Variants in DIPK2B observed in about 807,000 individuals in gnomAD.
DIPK2B encodes divergent protein kinase domain 2B.
DIPK2B carries 15 observed loss-of-function variants against 22.2 expected under a neutral mutation model. That is an observed-to-expected ratio of 0.68 (90% CI 0.45 to 1.04). DIPK2B has a LOEUF of 1.04. Among genes scored for constraint, DIPK2B ranks in the 50% least tolerant of loss-of-function variants. The pLI, the probability that DIPK2B is intolerant of heterozygous loss-of-function variation, is 0.00. For synonymous variants in DIPK2B, 163 were observed against 153.2 expected, an observed-to-expected ratio of 1.06 and a Z score of -0.47; for missense variants, 345 against 348.3, an observed-to-expected ratio of 0.99 and a Z score of 0.08.
At chrX:45,188,007 C>T (rs1383932365) in intron 2 of DIPK2B, among the ~76,000 whole-genome samples, 2 of 111,614 alleles carry the variant, frequency 1.8e-5, no homozygotes, top group Non-Finnish European at 3.8e-5. Flanking sequence ...TCCCAGGATA[C>T]TGGCCTGACA....
chrX:45,162,100 T>C (rs7057613), intron 2 of DIPK2B, among the ~76,000 whole-genome samples: 33,007 of 109,942 alleles, frequency 0.3, 4,429 homozygotes, highest in African/African-American at 0.5. Flanking sequence ...GAGAGCCATA[T>C]GTGGAGAAAA....
intron 3 of DIPK2B, among the ~76,000 whole-genome samples, chrX:45,156,952 C>T (rs1028976388): frequency 6.5e-5 from 7 of 107,980 alleles, no homozygotes; most frequent in African/African-American, 2.4e-4. Flanking sequence ...CTTCCTCTTC[C>T]TTTTCTTAGT....
intron 1 of DIPK2B, among the ~76,000 whole-genome samples, chrX:45,192,816 T>C (rs1157115762): frequency 1.8e-5 from 2 of 111,894 alleles, no homozygotes; most frequent in Non-Finnish European, 3.8e-5. Context: ...ACTCACTCTG[T>C]TGCCCAGGCT....
At chrX:45,190,107 T>C (rs1404251564) in intron 2 of DIPK2B, among the ~76,000 whole-genome samples, 1 of 112,435 alleles carries the variant, frequency 8.9e-6, no homozygotes, top group African/African-American at 3.2e-5. Flanking sequence ...TGTGCATTTC[T>C]ATAGTGATGG....
chrX:45,162,723 A>G (rs2047028423), intron 2 of DIPK2B: 1 of 754,465 alleles, frequency 1.3e-6, no homozygotes, highest in Non-Finnish European at 1.6e-6. Flanking sequence ...AAAAATAAAA[A>G]GATAACCAAA....
At chrX:45,189,051 T>C (rs1482345209) in intron 2 of DIPK2B, among the ~76,000 whole-genome samples, 1 of 112,076 alleles carries the variant, frequency 8.9e-6, no homozygotes, top group East Asian at 2.8e-4. Context: ...GCTATGAGCA[T>C]TCATATACAA....
intron 2 of DIPK2B, among the ~76,000 whole-genome samples, chrX:45,187,217 C>T (rs1234036624): frequency 1.8e-5 from 2 of 111,582 alleles, no homozygotes; most frequent in Non-Finnish European, 3.8e-5. Flanking sequence ...ATGTGTTTTC[C>T]CCTGATTAGC....
At chrX:45,179,701 T>C (rs760274569) in intron 2 of DIPK2B, among the ~76,000 whole-genome samples, 1 of 110,153 alleles carries the variant, frequency 9.1e-6, no homozygotes, top group Non-Finnish European at 1.9e-5. Context: ...CAAAACAAAA[T>C]AAATCTAACA....
chrX:45,193,720 T>G (rs2148351138), intron 1 of DIPK2B, among the ~76,000 whole-genome samples: 1 of 112,513 alleles, frequency 8.9e-6, no homozygotes, highest in African/African-American at 3.2e-5. Context: ...ACAAGAACAC[T>G]GGCATCAATG....
At chrX:45,180,380 G>C (rs1460978736) in intron 2 of DIPK2B, among the ~76,000 whole-genome samples, 1 of 111,826 alleles carries the variant, frequency 8.9e-6, no homozygotes, top group African/African-American at 3.2e-5. Context: ...TAGGTCACCA[G>C]TGGATTCTTT....
intron 1 of DIPK2B, among the ~76,000 whole-genome samples, chrX:45,194,275 A>G (rs1414282215): frequency 1.9e-5 from 2 of 106,988 alleles, no homozygotes; most frequent in African/African-American, 6.8e-5. Flanking sequence ...TTTGAGAGAG[A>G]GTCTTGCTCT....
chrX:45,183,771 A>G (rs1301046181), intron 2 of DIPK2B, among the ~76,000 whole-genome samples: 5 of 112,161 alleles, frequency 4.5e-5, no homozygotes, highest in African/African-American at 1.6e-4. Flanking sequence ...TGGGCTGCAT[A>G]GAAAAATTAA....
In DIPK2B at chrX:45,149,372, A is replaced by T. The variant is rs1044294897; in HGVS notation, c.*2280T>A. 8.9e-6 allele frequency: 1 copy of T among 112,359 alleles called. No homozygotes were observed. The highest frequency in any genetic ancestry group is 3.2e-5 in the African/African-American group (1 of 30,833). 9.3% of individuals were successfully genotyped at this position (112,359 alleles called of 1,213,427 possible). A position where few individuals can be genotyped will look rare whatever the true frequency, so the allele number is the denominator to read the frequency against. On this transcript the variant is annotated 3_prime_UTR_variant, in exon 5 of 5. Transcript: ENST00000398000. The stretch of plus-strand genomic sequence containing the variant: ...GACTGTGCAGGTGAGAAGGGTGGTC[A>T]GTCTTCACCCTCAAGACCAACTCAG...
At chrX:45,179,781 T>C (rs912111925) in intron 2 of DIPK2B, among the ~76,000 whole-genome samples, 2 of 111,126 alleles carry the variant, frequency 1.8e-5, no homozygotes, top group African/African-American at 3.3e-5. Flanking sequence ...TCAAGGTTGG[T>C]TTAATATTTG....
chrX:45,166,909 A>G (rs2047051895), intron 2 of DIPK2B, among the ~76,000 whole-genome samples: 2 of 112,132 alleles, frequency 1.8e-5, no homozygotes, highest in Admixed American at 1.9e-4. Context: ...TATTGTTCTC[A>G]AGCTCACCCA....
chrX:45,180,301 C>T (rs1056706400), intron 2 of DIPK2B, among the ~76,000 whole-genome samples: 3 of 111,827 alleles, frequency 2.7e-5, no homozygotes, highest in African/African-American at 6.5e-5. Flanking sequence ...GCTCACCCAG[C>T]CTTGAAGCAG....
intron 4 of DIPK2B, 89 bp downstream of exon 4, chrX:45,153,821 C>T (rs1363092210): frequency 1.2e-6 from 1 of 802,807 alleles, no homozygotes; most frequent in East Asian, 3.4e-5. Context: ...GGGAAAGGCC[C>T]AATAGCATGA....
chrX:45,176,738 CT>C (rs1457522683), intron 2 of DIPK2B, among the ~76,000 whole-genome samples: 1 of 111,888 alleles, frequency 8.9e-6, no homozygotes, highest in Non-Finnish European at 1.9e-5. Flanking sequence ...CTTGGGCCAG[CT>C]TACTAGGCAA....
chrX:45,190,885 C>G (rs1464480839), intron 2 of DIPK2B, among the ~76,000 whole-genome samples: 1 of 112,318 alleles, frequency 8.9e-6, no homozygotes, highest in African/African-American at 3.2e-5. Flanking sequence ...ACGGAAGTAT[C>G]TAGAAGGTGA....
Sources: allele counts gnomAD v4.1 joint callset (sites outside exome capture counted in the v4.1 genomes callset), GRCh38; gene constraint gnomAD v4.1.1; transcripts MANE v1.5; gene names NCBI Gene and HGNC (gene_info 2026-07-23, HGNC 2026-07-21).